Variants in ITPKB observed in about 807,000 individuals in gnomAD.
ITPKB encodes the protein inositol-trisphosphate 3-kinase B, also known as IP3 3-kinase B.
A neutral mutation model predicts 69.4 loss-of-function variants in ITPKB; 13 were observed. That is an observed-to-expected ratio of 0.19 (90% CI 0.12 to 0.30). ITPKB has a LOEUF of 0.30. Among genes scored for constraint, ITPKB ranks in the 10% least tolerant of loss-of-function variants. The pLI, the probability that ITPKB is intolerant of heterozygous loss-of-function variation, is 1.00. For missense variants in ITPKB, 1,240 were observed against 1,250.5 expected, an observed-to-expected ratio of 0.99 and a Z score of 0.13; for synonymous variants, 584 against 513.7, an observed-to-expected ratio of 1.14 and a Z score of -1.85.
chr1:226,648,650 A>T (rs369926804), intron 3 of ITPKB, 22 bp downstream of exon 3: 42 of 1,454,564 alleles, frequency 2.9e-5, no homozygotes, highest in Non-Finnish European at 4.0e-5. Context: ...ATGCTGGGAA[A>T]GTCTGGGAGA....
At chr1:226,733,447 GATAAGGCTCCAGCGTA>G (rs993340772) in intron 2 of ITPKB, among the ~76,000 whole-genome samples, 7 of 152,158 alleles carry the variant, frequency 4.6e-5, no homozygotes, top group Non-Finnish European at 8.8e-5. Context: ...GGGTGTCACA[GATAAGGCTCCAGCGTA>G]ACAATCTGTA....
At chr1:226,720,588 G>A (rs1657211465) in intron 2 of ITPKB, among the ~76,000 whole-genome samples, 1 of 152,142 alleles carries the variant, frequency 6.6e-6, no homozygotes, top group Admixed American at 6.5e-5. Flanking sequence ...TAAAGTATTT[G>A]ACGGAACATG....
At chr1:226,649,014 C>T (rs1364081754) in intron 2 of ITPKB, among the ~76,000 whole-genome samples, 1 of 152,214 alleles carries the variant, frequency 6.6e-6, no homozygotes, top group Admixed American at 6.5e-5. Flanking sequence ...AGAGCAACGA[C>T]CCCTCCAAGG....
intron 2 of ITPKB, among the ~76,000 whole-genome samples, chr1:226,706,250 A>G (rs549560182): frequency 6.6e-6 from 1 of 152,384 alleles, no homozygotes; most frequent in African/African-American, 2.4e-5. Context: ...ATCCTGGAAA[A>G]TAATAAATGA....
intron 2 of ITPKB, among the ~76,000 whole-genome samples, chr1:226,708,532 GTC>G (rs1286496381): frequency 6.6e-6 from 1 of 152,172 alleles, no homozygotes; most frequent in African/African-American, 2.4e-5. Context: ...TGAAAAAGAT[GTC>G]TCGGCCTTAG....
In ITPKB at chr1:226,637,595, T is replaced by TG; in HGVS notation, c.2625+83dup. 1 of 1,090,114 alleles carries TG rather than the reference T, an allele frequency of 9.2e-7. No individual in the cohort carries two copies. Among genetic ancestry groups the TG allele is most frequent in the Non-Finnish European group, 1.4e-6 (1 of 716,036 alleles). The allele number at this position is 1,090,114 out of a possible 1,614,324, so 67.5% of individuals were successfully genotyped here. On this transcript the variant is annotated intron_variant, in intron 7 of 7. Transcript: ENST00000429204. The surrounding 1 kb of genome is among the most constrained non-coding windows in gnomAD (Gnocchi z 4.3). ...GCTGCACCACCCTGAAAATGCCCGA[T>TG]GCCCCGGGCTTCTGGAAGGAGAAGG...
intron 2 of ITPKB, among the ~76,000 whole-genome samples, chr1:226,689,541 GT>G (rs944166533): frequency 1.3e-5 from 2 of 150,728 alleles, no homozygotes; most frequent in African/African-American, 2.4e-5. Flanking sequence ...GTTTTTGTGG[GT>G]TTTTTTCCTT....
At chr1:226,651,010 G>A (rs1669179935) in intron 2 of ITPKB, among the ~76,000 whole-genome samples, 1 of 152,242 alleles carries the variant, frequency 6.6e-6, no homozygotes, top group African/African-American at 2.4e-5. Context: ...TATGTATACA[G>A]GAGGAGGCAA....
At chr1:226,670,175 CAAAAAAAAAAAAAAAA>C (rs35767912) in intron 2 of ITPKB, among the ~76,000 whole-genome samples, 2 of 32,006 alleles carry the variant, frequency 6.2e-5, no homozygotes, top group African/African-American at 2.2e-4. Flanking sequence ...AGCTCCGCCG[CAAAAAAAAAAAAAAAA>C]AAAAAAAAAA....
At chr1:226,684,914 G>C (rs116707641) in intron 2 of ITPKB, among the ~76,000 whole-genome samples, 3,068 of 152,188 alleles carry the variant, frequency 0.02, 66 homozygotes, top group Non-Finnish European at 0.028. Context: ...GCGCTCCACC[G>C]TTCACACCCC....
chr1:226,636,508 C>T (rs1372129821), intron 7 of ITPKB, among the ~76,000 whole-genome samples: 2 of 152,226 alleles, frequency 1.3e-5, no homozygotes, highest in Non-Finnish European at 1.5e-5. Flanking sequence ...GAAAGATGCA[C>T]CGCCCTGCTG....
chr1:226,656,742 C>T (rs1380344300), intron 2 of ITPKB: 2 of 152,218 alleles, frequency 1.3e-5, no homozygotes, highest in Admixed American at 6.5e-5. Context: ...GAGGTTGGAA[C>T]GAACCTTTGT....
At chr1:226,714,623 C>T (rs1332655648) in intron 2 of ITPKB, among the ~76,000 whole-genome samples, 1 of 152,230 alleles carries the variant, frequency 6.6e-6, no homozygotes, top group Non-Finnish European at 1.5e-5. Flanking sequence ...CCCTTTACTC[C>T]AGATAGTCTT....
At chr1:226,667,425 T>C (rs1175635200) in intron 2 of ITPKB, among the ~76,000 whole-genome samples, 1 of 150,754 alleles carries the variant, frequency 6.6e-6, no homozygotes, top group Non-Finnish European at 1.5e-5. Flanking sequence ...AAGGGCGGGG[T>C]TTCTGAAGCA....
intron 2 of ITPKB, among the ~76,000 whole-genome samples, chr1:226,730,124 A>G (rs1277933519): frequency 2.0e-5 from 3 of 152,196 alleles, no homozygotes; most frequent in Non-Finnish European, 4.4e-5. Context: ...GTCAAATTTG[A>G]CTACAAGGTC....
intron 2 of ITPKB, among the ~76,000 whole-genome samples, chr1:226,708,643 G>A (rs1226807036): frequency 6.6e-6 from 1 of 152,266 alleles, no homozygotes. Context: ...CACGAGGAAA[G>A]ATGAGTCAAC....
chr1:226,648,551 C>T (rs1317412030), intron 3 of ITPKB, 121 bp downstream of exon 3: 1 of 715,666 alleles, frequency 1.4e-6, no homozygotes, highest in Non-Finnish European at 2.5e-6. Context: ...GCTGTGATTT[C>T]AGACTAGAAA....
At chr1:226,679,052 G>A (rs1250701323) in intron 2 of ITPKB, among the ~76,000 whole-genome samples, 1 of 152,212 alleles carries the variant, frequency 6.6e-6, no homozygotes, top group Non-Finnish European at 1.5e-5. Flanking sequence ...GTCAACTTGT[G>A]CAGAGACTGG....
intron 2 of ITPKB, among the ~76,000 whole-genome samples, chr1:226,699,967 A>G (rs1656594688): frequency 6.6e-6 from 1 of 152,226 alleles, no homozygotes; most frequent in Non-Finnish European, 1.5e-5. Flanking sequence ...GTTCAAGGGC[A>G]GGAAGGATCC....
Sources: allele counts gnomAD v4.1 joint callset (sites outside exome capture counted in the v4.1 genomes callset), GRCh38; gene constraint gnomAD v4.1.1; non-coding constraint Gnocchi (gnomAD v3.1); transcripts MANE v1.5; gene names NCBI Gene and HGNC (gene_info 2026-07-23, HGNC 2026-07-21).